KALRN: variants seen among roughly 807,000 people sequenced by gnomAD.
KALRN encodes the protein kalirin.
In KALRN, 70 loss-of-function variants were observed where a neutral mutation model predicts 353.7. That is an observed-to-expected ratio of 0.20 (90% CI 0.16 to 0.24). The LOEUF is 0.24. Ranked by LOEUF, KALRN falls within the 10% of genes least tolerant of loss-of-function variation. The pLI is 1.00. For missense variants in KALRN, 2,791 were observed against 3,756.7 expected (o/e 0.74, Z 6.72); for synonymous variants, 1,391 against 1,434.8 (o/e 0.97, Z 0.69).
At chr3:124,578,417 G>A (rs1016476936) in intron 34 of KALRN, among the ~76,000 whole-genome samples, 2 of 152,202 alleles carry the variant, frequency 1.3e-5, no homozygotes, top group Non-Finnish European at 2.9e-5. Flanking sequence ...AGCAACCAGG[G>A]AGCATGGCAG....
intron 1 of KALRN, among the ~76,000 whole-genome samples, chr3:124,050,431 A>T (rs2040914017): frequency 6.6e-6 from 1 of 152,148 alleles, no homozygotes; most frequent in Non-Finnish European, 1.5e-5. Context: ...CTGTGTTTTC[A>T]TCTGTTCACC....
At chr3:124,100,574 T>C (rs904853504) in intron 1 of KALRN, 21 of 152,188 alleles carry the variant, frequency 1.4e-4, no homozygotes, top group African/African-American at 4.6e-4. Context: ...GAAGAAAACA[T>C]AGGGAAACCC....
chr3:124,281,292 G>A (rs962531858), intron 5 of KALRN, among the ~76,000 whole-genome samples: 23 of 152,190 alleles, frequency 1.5e-4, no homozygotes, highest in African/African-American at 5.1e-4. Flanking sequence ...TAACATATGC[G>A]TTCTGGTGGA....
rs145206620 is a variant in KALRN, at chr3:124,207,145, T to G, written c.74-20845T>G. ...CCTGCAAGGGAGAGTCACCAGAGTT[T>G]GCAAGTTGGGGGAGACATTCGGGAT... On this transcript the variant is annotated intron_variant, in intron 1 of 59. Coordinates refer to ENST00000682506, the MANE Select transcript of KALRN (RefSeq NM_001388419.1). Among the ~76,000 whole-genome samples the G allele has an allele frequency of 1.3e-3, 192 of 152,306 alleles. 1 individual carries two copies. The highest frequency in any genetic ancestry group is 0.01 in the Middle Eastern group (3 of 294).
intron 33 of KALRN, among the ~76,000 whole-genome samples, chr3:124,553,445 C>T (rs1246761991): frequency 7.2e-5 from 11 of 152,212 alleles, no homozygotes; most frequent in Non-Finnish European, 1.3e-4. Flanking sequence ...CTGTGAAAAT[C>T]GTCTCTGGTC....
At chr3:124,312,224 G>T (rs1450700426) in intron 6 of KALRN, among the ~76,000 whole-genome samples, 1 of 152,118 alleles carries the variant, frequency 6.6e-6, no homozygotes, top group Non-Finnish European at 1.5e-5. Context: ...GCAGTGGGGC[G>T]ATCTCGGCTC....
chr3:124,547,512 C>T (rs1176174528), intron 33 of KALRN, among the ~76,000 whole-genome samples: 3 of 151,946 alleles, frequency 2.0e-5, no homozygotes. Context: ...GGCTGTGTTG[C>T]CTGGGCTGGT....
chr3:124,417,231 G>A (rs2092554335), intron 14 of KALRN, among the ~76,000 whole-genome samples: 5 of 152,218 alleles, frequency 3.3e-5, no homozygotes, highest in African/African-American at 1.2e-4. Flanking sequence ...CCACCAACTA[G>A]CAGTCTGATT....
intron 38 of KALRN, among the ~76,000 whole-genome samples, chr3:124,654,103 A>C (rs932714918): frequency 6.6e-6 from 1 of 152,232 alleles, no homozygotes; most frequent in African/African-American, 2.4e-5. Flanking sequence ...GGGCCCTCCC[A>C]GCCCCATATT....
intron 3 of KALRN, among the ~76,000 whole-genome samples, chr3:124,248,009 T>C (rs189422312): frequency 2.4e-4 from 37 of 152,374 alleles, no homozygotes; most frequent in Middle Eastern, 6.8e-3. Context: ...AAACAAGTGA[T>C]TTGAACAGCA....
chr3:124,055,178 T>A (rs751361239), intron 1 of KALRN, among the ~76,000 whole-genome samples: 2 of 152,230 alleles, frequency 1.3e-5, no homozygotes, highest in Non-Finnish European at 2.9e-5. Flanking sequence ...GATTTTGTAA[T>A]GTATCACTTT....
Position 124,326,632 on chromosome 3 carries a change from G to A in KALRN, c.1284+461G>A, listed in dbSNP as rs577618570. On this transcript the variant is annotated intron_variant, in intron 7 of 59. Coordinates refer to ENST00000682506, the MANE Select transcript of KALRN (RefSeq NM_001388419.1). The stretch of plus-strand genomic sequence containing the variant: ...TAATGGGTCAAGATAATAATTACTC[G>A]TACTTACTAAGTGGCCAGGCATTGG... Among the ~76,000 whole-genome samples the A allele has an allele frequency of 1.5e-4, 23 of 152,266 alleles. No individual in the cohort carries two copies. The South Asian group carries it at 1.9e-3, about 12-fold the overall frequency.
chr3:124,056,533 T>C (rs1285154768), intron 1 of KALRN, among the ~76,000 whole-genome samples: 1 of 152,222 alleles, frequency 6.6e-6, no homozygotes, highest in Non-Finnish European at 1.5e-5. Flanking sequence ...TCACTGAGGT[T>C]CCTTTAATCT....
Position 124,477,321 on chromosome 3 carries a change from G to C in KALRN, c.4178G>C (p.Gly1393Ala). ...AACCAGCTTATCCTGGAGCATGCGG[G>C]CACCTTCTTTGATGTAAGCTGTGTT... The part of the protein sequence containing the change: ...DSNQLILEHA[G>A]TFFDEIQQRH... Residue 1393 changes from glycine (G) to alanine (A), a missense_variant, in exon 27 of 60, where the codon GGC (glycine) becomes GCC (alanine). By Grantham distance (60) the Gly-to-Ala change is moderately conservative. This residue lies in a region of KALRN where 54 missense variants were observed against 131.7 expected (regional missense o/e 0.41). Coordinates refer to ENST00000682506, the MANE Select transcript of KALRN (RefSeq NM_001388419.1). The C allele has an allele frequency of 6.2e-7, 1 of 1,612,848 alleles. No individual in the cohort carries two copies. The highest frequency in any genetic ancestry group is 8.5e-7 in the Non-Finnish European group (1 of 1,178,992).
At chr3:124,655,455 C>G (rs562311071) in intron 38 of KALRN, 146 bp from the exon 39 acceptor site, 5 of 631,728 alleles carry the variant, frequency 7.9e-6, no homozygotes, top group Non-Finnish European at 1.1e-5. Flanking sequence ...GGAAAGCATC[C>G]GTAAGCATCT....
chr3:124,136,326 C>T (rs2065912055), intron 1 of KALRN, among the ~76,000 whole-genome samples: 1 of 152,108 alleles, frequency 6.6e-6, no homozygotes, highest in African/African-American at 2.4e-5. Flanking sequence ...GTTTCTGATT[C>T]AGCAGGTCTA....
intron 1 of KALRN, among the ~76,000 whole-genome samples, chr3:124,122,481 C>G (rs1018323192): frequency 6.6e-6 from 1 of 152,160 alleles, no homozygotes; most frequent in Non-Finnish European, 1.5e-5. Context: ...TTGTAGCAAC[C>G]CTGCATTGAG....
At chr3:124,462,715 C>A in intron 25 of KALRN, 82 bp downstream of exon 25, 2 of 759,894 alleles carry the variant, frequency 2.6e-6, no homozygotes. Context: ...GGATCAAAGG[C>A]GATTGGTGAA....
chr3:124,604,855 T>TAAAAAA (rs10708914), intron 34 of KALRN, among the ~76,000 whole-genome samples: 1 of 146,010 alleles, frequency 6.8e-6, no homozygotes. Flanking sequence ...CCTGGCTAAT[T>TAAAAAA]AAAAAAAAAA....
Sources: gnomAD v4.1 joint callset for allele counts (sites outside exome capture counted in the v4.1 genomes callset) on GRCh38, gnomAD v4.1.1 for gene constraint, gnomAD v4.1.1 regional missense constraint, MANE v1.5 for transcripts, NCBI Gene and HGNC (gene_info 2026-07-23, HGNC 2026-07-21) for gene names.